Variants in PPP1R42 observed in about 807,000 individuals in gnomAD.
PPP1R42 encodes the protein leucine rich repeat containing 67.
Under a neutral mutation model 31.0 loss-of-function variants are expected in PPP1R42, and 34 were observed. The ratio of observed to expected loss-of-function variants is 1.10; its 90% CI spans 0.83 to 1.46. The LOEUF is 1.46. Among genes scored for constraint, PPP1R42 ranks in the 40% most tolerant of loss-of-function variants. The pLI is 0.00. For synonymous variants in PPP1R42, 103 were observed against 109.8 expected (o/e 0.94, Z 0.39); for missense variants, 268 against 303.0 (o/e 0.88, Z 0.86).
intron 7 of PPP1R42, 135 bp from the exon 8 acceptor site, chr8:66,964,469 C>T (rs1814328455): frequency 6.4e-6 from 2 of 311,390 alleles, no homozygotes; most frequent in South Asian, 6.6e-5. Flanking sequence ...CAGTGTGAAT[C>T]TTGTCGGGCT....
At chr8:67,022,494 G>GA (rs1563435642) in intron 1 of PPP1R42, among the ~76,000 whole-genome samples, 2 of 151,780 alleles carry the variant, frequency 1.3e-5, no homozygotes, top group African/African-American at 4.8e-5. Context: ...TGCTTTTAAT[G>GA]GTATCTTCTA....
At chr8:66,998,299 A>G (rs998492977) in intron 5 of PPP1R42, among the ~76,000 whole-genome samples, 1 of 152,184 alleles carries the variant, frequency 6.6e-6, no homozygotes, top group Non-Finnish European at 1.5e-5. Flanking sequence ...AGTATTTTAT[A>G]TATCTGATGA....
chr8:66,980,807 AT>A (rs879292716), intron 7 of PPP1R42, among the ~76,000 whole-genome samples: 1 of 151,774 alleles, frequency 6.6e-6, no homozygotes, highest in Non-Finnish European at 1.5e-5. Context: ...GAAGGGGCTC[AT>A]TGCAATGTCA....
intron 2 of PPP1R42, among the ~76,000 whole-genome samples, chr8:67,016,314 A>C (rs1435453605): frequency 3.3e-5 from 5 of 152,214 alleles, no homozygotes; most frequent in Non-Finnish European, 7.3e-5. Context: ...GTGATGTGAA[A>C]CAATAGACAT....
chr8:67,009,194 T>A (rs957733656), intron 5 of PPP1R42, among the ~76,000 whole-genome samples: 3 of 151,864 alleles, frequency 2.0e-5, no homozygotes, highest in African/African-American at 7.3e-5. Flanking sequence ...GGCTTGAACC[T>A]GGGAGGCGGA....
At chr8:66,982,979 C>T (rs1232122072) in intron 6 of PPP1R42, among the ~76,000 whole-genome samples, 1 of 149,810 alleles carries the variant, frequency 6.7e-6, no homozygotes, top group East Asian at 2.0e-4. Context: ...GATGGGATCT[C>T]ACTATGTTGC....
intron 5 of PPP1R42, among the ~76,000 whole-genome samples, chr8:67,002,019 G>C (rs971739954): frequency 2.6e-5 from 4 of 152,168 alleles, no homozygotes; most frequent in Non-Finnish European, 5.9e-5. Flanking sequence ...TTTTTTGAAG[G>C]ATGGTTTCAC....
chr8:67,024,214 GT>G (rs530464784), intron 1 of PPP1R42, among the ~76,000 whole-genome samples: 1 of 152,008 alleles, frequency 6.6e-6, no homozygotes, highest in South Asian at 2.1e-4. Context: ...AGTTTGTAAA[GT>G]TTTTTTTAAA....
chr8:66,968,126 T>G (rs1024275173), intron 7 of PPP1R42, among the ~76,000 whole-genome samples: 4 of 152,210 alleles, frequency 2.6e-5, no homozygotes, highest in African/African-American at 9.6e-5. Flanking sequence ...AATCAGCCTT[T>G]AAATAAAAAA....
Position 67,014,420 on chromosome 8 carries a change from A to G in PPP1R42, c.296+6T>C, listed in dbSNP as rs763335006. 6.9e-7 allele frequency: 1 copy of G among 1,458,742 alleles called. No individual in the cohort carries two copies. Among genetic ancestry groups the G allele is most frequent in the African/African-American group, 1.5e-5 (1 of 68,830 alleles). The allele number at this position is 1,458,742 out of a possible 1,614,324, so 90.4% of individuals were successfully genotyped here. A position where few individuals can be genotyped will look rare whatever the true frequency, so the allele number is the denominator to read the frequency against. ...AGATACATTATTAAAAAATAAAAGC[A>G]CTTACAGTTTTTCCAGTTTCTTTAA... On this transcript the variant is annotated splice_donor_region_variant and intron_variant, in intron 3 of 7. Coordinates refer to ENST00000685739, the MANE Select transcript of PPP1R42 (RefSeq NM_001364910.1).
intron 1 of PPP1R42, chr8:67,026,944 A>C (rs1816421369): frequency 1.4e-5 from 2 of 141,426 alleles, no homozygotes; most frequent in Non-Finnish European, 3.0e-5. Flanking sequence ...TCTGTTGCTC[A>C]GGTTGGAGTT....
At chr8:67,025,389 G>A (rs915506549) in intron 1 of PPP1R42, among the ~76,000 whole-genome samples, 2 of 152,260 alleles carry the variant, frequency 1.3e-5, no homozygotes, top group East Asian at 3.9e-4. Context: ...TGGGATTACA[G>A]GTGTGAGCCA....
At chr8:67,004,766 G>C (rs1432103380) in intron 5 of PPP1R42, among the ~76,000 whole-genome samples, 1 of 152,034 alleles carries the variant, frequency 6.6e-6, no homozygotes, top group Admixed American at 6.6e-5. Context: ...TGATTTTAGA[G>C]GCTCTTTTCA....
At chr8:66,984,468 C>G in intron 6 of PPP1R42, 1 of 1,284,588 alleles carries the variant, frequency 7.8e-7, no homozygotes. Flanking sequence ...GCAGTAACAC[C>G]ACTCCTATCA....
At chr8:67,026,338 C>CA (rs572842174) in intron 1 of PPP1R42, among the ~76,000 whole-genome samples, 12,079 of 137,960 alleles carry the variant, frequency 0.088, 845 homozygotes, top group African/African-American at 0.2. Flanking sequence ...AACTCCATCT[C>CA]AAAAAAAAAA....
intron 2 of PPP1R42, among the ~76,000 whole-genome samples, 155 bp from the exon 3 acceptor site, chr8:67,014,747 CTA>C (rs1815950776): frequency 6.6e-6 from 1 of 152,054 alleles, no homozygotes; most frequent in Admixed American, 6.6e-5. Context: ...TAAAACAAGA[CTA>C]GACTGATTAC....
intron 7 of PPP1R42, among the ~76,000 whole-genome samples, chr8:66,973,673 C>T (rs919731628): frequency 4.6e-5 from 7 of 152,062 alleles, no homozygotes; most frequent in African/African-American, 1.4e-4. Context: ...GGTACAATAT[C>T]GTATAGTAGA....
chr8:67,016,532 T>G (rs1161728932), intron 2 of PPP1R42, among the ~76,000 whole-genome samples: 1 of 152,272 alleles, frequency 6.6e-6, no homozygotes, highest in Non-Finnish European at 1.5e-5. Context: ...ACTTGTCTGA[T>G]GTAATTGACC....
chr8:67,010,200 A>G (rs769503103), intron 5 of PPP1R42, among the ~76,000 whole-genome samples: 6 of 152,234 alleles, frequency 3.9e-5, no homozygotes, highest in Non-Finnish European at 8.8e-5. Context: ...ACAAATATTT[A>G]GGTGGCCAAT....
Sources: allele counts gnomAD v4.1 joint callset (sites outside exome capture counted in the v4.1 genomes callset), GRCh38; gene constraint gnomAD v4.1.1; transcripts MANE v1.5; gene names NCBI Gene and HGNC (gene_info 2026-07-23, HGNC 2026-07-21).